ZDHHC20: variants seen among roughly 807,000 people sequenced by gnomAD.
ZDHHC20 encodes the protein zDHHC palmitoyltransferase 20.
In ZDHHC20, 43 loss-of-function variants were observed where a neutral mutation model predicts 57.8. That is an observed-to-expected ratio of 0.74 (90% confidence interval 0.58 to 0.96). The LOEUF (loss-of-function observed/expected upper bound fraction) is 0.96, where lower values mean the gene tolerates loss of function less well. Ranked by LOEUF, ZDHHC20 falls within the 40% of genes least tolerant of loss-of-function variation. The pLI is 0.00. For synonymous variants in ZDHHC20, 157 were observed against 153.0 expected (o/e 1.03, Z -0.19); for missense variants, 391 against 441.1 (o/e 0.89, Z 1.02).
At chr13:21,400,532 A>G (rs1054430937) in intron 6 of ZDHHC20, 39 bp from the exon 7 acceptor site, 8 of 1,520,532 alleles carry the variant, frequency 5.3e-6, no homozygotes, top group Non-Finnish European at 7.0e-6. Context: ...AAAGTAAGAC[A>G]AATCACAAAT....
chr13:21,402,873 G>C lies in ZDHHC20; in HGVS notation c.371-7C>G, dbSNP rs117902964. On this transcript the variant is annotated splice_polypyrimidine_tract_variant and splice_region_variant and intron_variant, in intron 4 of 12. Transcript: ENST00000400590. Reference sequence around the variant, plus strand: ...TTTTCACAATATCTGATAGCTACATGAAAGAAGTAAAAGGAAGATGCTGAA... The same window carrying C: ...TTTTCACAATATCTGATAGCTACATCAAAGAAGTAAAAGGAAGATGCTGAA... 577 of 1,582,102 alleles carry C rather than the reference G, an allele frequency of 3.6e-4. 2 individuals are homozygous for C. The East Asian group carries it at 8.1e-3, about 22-fold the overall frequency.
intron 10 of ZDHHC20, among the ~76,000 whole-genome samples, chr13:21,382,533 T>G (rs1310738111): frequency 6.6e-6 from 1 of 152,220 alleles, no homozygotes; most frequent in Non-Finnish European, 1.5e-5. Flanking sequence ...TTAAAATTTA[T>G]CAAAATAAAA....
At position 21,401,700 on chromosome 13, in the gene ZDHHC20, A is replaced by C; in HGVS notation, c.441-15T>G. Reference sequence around the variant, plus strand: ...TAAGAATACATCTAGGAAACAAACAAGCATAAGAAAATCCATGCAGAAAAA... The same window carrying C: ...TAAGAATACATCTAGGAAACAAACACGCATAAGAAAATCCATGCAGAAAAA... On this transcript the variant is annotated splice_polypyrimidine_tract_variant and intron_variant, in intron 5 of 12. Transcript: ENST00000400590. 1.3e-6 allele frequency: 2 copies of C among 1,494,208 alleles called. No homozygotes were observed. Among genetic ancestry groups the C allele is most frequent in the South Asian group, 2.8e-5 (2 of 70,354 alleles). 92.6% of individuals were successfully genotyped at this position (1,494,208 alleles called of 1,614,324 possible).
intron 4 of ZDHHC20, among the ~76,000 whole-genome samples, chr13:21,412,728 G>A (rs1879381257): frequency 6.6e-6 from 1 of 151,820 alleles, no homozygotes; most frequent in Non-Finnish European, 1.5e-5. Flanking sequence ...CAGCACTTTG[G>A]GAGGCCAAAG....
chr13:21,379,406 T>C (rs540280549), intron 11 of ZDHHC20, among the ~76,000 whole-genome samples: 60 of 152,118 alleles, frequency 3.9e-4, no homozygotes, highest in Non-Finnish European at 8.4e-4. Flanking sequence ...CTCAGCCTCC[T>C]GAATAGCTGG....
intron 1 of ZDHHC20, among the ~76,000 whole-genome samples, chr13:21,428,259 C>T (rs1396896186): frequency 6.6e-6 from 1 of 152,008 alleles, no homozygotes; most frequent in African/African-American, 2.4e-5. Flanking sequence ...TTTGTTCTGT[C>T]ACCCAGGCTG....
intron 1 of ZDHHC20, among the ~76,000 whole-genome samples, chr13:21,448,890 T>G (rs1330813995): frequency 4.3e-5 from 4 of 93,322 alleles, no homozygotes; most frequent in African/African-American, 1.4e-4. Flanking sequence ...TTCTTCTGCC[T>G]TGGGATCCTG....
intron 1 of ZDHHC20, among the ~76,000 whole-genome samples, chr13:21,434,108 G>C (rs1378878978): frequency 6.7e-6 from 1 of 148,542 alleles, no homozygotes; most frequent in Non-Finnish European, 1.5e-5. Flanking sequence ...GTGTGTGTCT[G>C]TGTGTCTGTG....
At chr13:21,408,975 A>C (rs1407063599) in intron 4 of ZDHHC20, among the ~76,000 whole-genome samples, 1 of 152,216 alleles carries the variant, frequency 6.6e-6, no homozygotes, top group Non-Finnish European at 1.5e-5. Flanking sequence ...ATCATAGTGG[A>C]TAAGCTTTTT....
chr13:21,392,211 A>AT (rs1167219440), intron 7 of ZDHHC20, among the ~76,000 whole-genome samples: 3 of 144,950 alleles, frequency 2.1e-5, no homozygotes, highest in Non-Finnish European at 4.5e-5. Flanking sequence ...ACCCTGTCTC[A>AT]TAAAAAAAAA....
At chr13:21,452,351 C>T (rs1884525350) in intron 1 of ZDHHC20, among the ~76,000 whole-genome samples, 1 of 152,124 alleles carries the variant, frequency 6.6e-6, no homozygotes, top group African/African-American at 2.4e-5. Flanking sequence ...TTATGACATG[C>T]AAACTATGTC....
At chr13:21,400,234 C>CTG (rs1488241694) in intron 7 of ZDHHC20, 139 bp downstream of exon 7, 16 of 746,596 alleles carry the variant, frequency 2.1e-5, no homozygotes, top group Non-Finnish European at 2.6e-5. Flanking sequence ...GTAGCCCTAT[C>CTG]TGTCCTCTGA....
intron 1 of ZDHHC20, among the ~76,000 whole-genome samples, chr13:21,428,867 CAAAAT>C (rs1404938084): frequency 8.0e-5 from 12 of 150,582 alleles, no homozygotes; most frequent in Admixed American, 2.0e-4. Flanking sequence ...AAAAACAAAA[CAAAAT>C]AAAACAAAAC....
chr13:21,406,910 C>T (rs767604483), intron 4 of ZDHHC20, among the ~76,000 whole-genome samples: 1 of 152,116 alleles, frequency 6.6e-6, no homozygotes, highest in Admixed American at 6.5e-5. Context: ...AATAGGATTG[C>T]TGGGTCAAAT....
rs1295794678 is a variant in ZDHHC20, at chr13:21,376,634, A to T, written c.*62T>A. 1 of 1,396,176 alleles carries T rather than the reference A, an allele frequency of 7.2e-7. No homozygotes were observed. The highest frequency in any genetic ancestry group is 9.6e-7 in the Non-Finnish European group (1 of 1,038,446). The allele number at this position is 1,396,176 out of a possible 1,614,324, so 86.5% of individuals were successfully genotyped here. A position where few individuals can be genotyped will look rare whatever the true frequency, so the allele number is the denominator to read the frequency against. The stretch of plus-strand genomic sequence containing the variant: ...CTTGCAAATGAAAATTGAAAATACC[A>T]GTCTATAATGTTTTCATACACCTAC... On this transcript the variant is annotated 3_prime_UTR_variant, in exon 13 of 13. Transcript: ENST00000400590.
chr13:21,457,000 A>G (rs908873213), intron 1 of ZDHHC20, among the ~76,000 whole-genome samples: 5 of 152,238 alleles, frequency 3.3e-5, no homozygotes, highest in African/African-American at 1.2e-4. Flanking sequence ...CTATTCGCTC[A>G]GTCTCACGTC....
chr13:21,412,167 G>A (rs1291827759), intron 4 of ZDHHC20, among the ~76,000 whole-genome samples: 4 of 152,184 alleles, frequency 2.6e-5, no homozygotes, highest in South Asian at 2.1e-4. Flanking sequence ...CTCTGTAGAC[G>A]TGCAATCCTT....
rs771013734 is a variant in ZDHHC20 at position 21,375,214 on chromosome 13, G to A, written c.*1482C>T. On this transcript the variant is annotated 3_prime_UTR_variant, in exon 13 of 13. Coordinates refer to ENST00000400590, the MANE Select transcript of ZDHHC20 (RefSeq NM_001330059.2). ...ATCACAGAATGTTAGAAGTCATCCA[G>A]TCCAACTTATTCACAACACCCCCTC... 3 of 455,980 alleles carry A rather than the reference G, an allele frequency of 6.6e-6. No homozygotes were observed. Among genetic ancestry groups the A allele is most frequent in the South Asian group, 4.7e-5 (3 of 64,488 alleles). The allele number at this position is 455,980 out of a possible 1,614,324, so 28.2% of individuals were successfully genotyped here.
intron 1 of ZDHHC20, among the ~76,000 whole-genome samples, chr13:21,444,016 T>G (rs1010735674): frequency 3.0e-4 from 45 of 152,028 alleles, no homozygotes; most frequent in African/African-American, 1.0e-3. Flanking sequence ...ATTAGCCAGG[T>G]GTGGTGGCGT....
Sources: gnomAD v4.1 joint callset for allele counts (sites outside exome capture counted in the v4.1 genomes callset) on GRCh38, gnomAD v4.1.1 for gene constraint, MANE v1.5 for transcripts, NCBI Gene and HGNC (gene_info 2026-07-23, HGNC 2026-07-21) for gene names.